Variants in LYPD6B observed in about 807,000 individuals in gnomAD.
LYPD6B encodes the protein ly6/PLAUR domain-containing protein 6B.
Under a neutral mutation model 22.8 loss-of-function variants are expected in LYPD6B, and 17 were observed. The ratio of observed to expected loss-of-function variants is 0.75; its 90% CI spans 0.51 to 1.12. The LOEUF (loss-of-function observed/expected upper bound fraction) is 1.12, where lower values mean the gene tolerates loss of function less well. Ranked by LOEUF, LYPD6B falls within the 50% of genes most tolerant of loss-of-function variation. The pLI is 0.00. For missense variants in LYPD6B, 221 were observed against 258.3 expected (o/e 0.86, Z 0.99); for synonymous variants, 106 against 91.6 (o/e 1.16, Z -0.90).
At chr2:149,127,914 C>T (rs1412034683) in intron 1 of LYPD6B, among the ~76,000 whole-genome samples, 1 of 151,982 alleles carries the variant, frequency 6.6e-6, no homozygotes, top group Non-Finnish European at 1.5e-5. Flanking sequence ...ACCTATTAAT[C>T]TTTTTTGTTG....
At chr2:149,100,550 G>T (rs1190929687) in intron 1 of LYPD6B, among the ~76,000 whole-genome samples, 1 of 151,460 alleles carries the variant, frequency 6.6e-6, no homozygotes, top group Non-Finnish European at 1.5e-5. Context: ...CCCTTGCCCT[G>T]TCACCAATGG....
chr2:149,103,243 G>A (rs1686298608), intron 1 of LYPD6B, among the ~76,000 whole-genome samples: 1 of 152,140 alleles, frequency 6.6e-6, no homozygotes, highest in Admixed American at 6.5e-5. Context: ...GGTATCTAGT[G>A]GCAACGTTAA....
intron 1 of LYPD6B, among the ~76,000 whole-genome samples, chr2:149,115,031 C>T (rs1345655065): frequency 6.6e-6 from 1 of 152,164 alleles, no homozygotes; most frequent in Non-Finnish European, 1.5e-5. Flanking sequence ...CCTCTGCCTC[C>T]AGGTTCAATT....
chr2:149,046,664 T>C (rs537651532), intron 1 of LYPD6B, among the ~76,000 whole-genome samples: 27 of 152,246 alleles, frequency 1.8e-4, no homozygotes, highest in African/African-American at 6.5e-4. Flanking sequence ...TACCTATGCC[T>C]CTTTACATTT....
chr2:149,084,141 A>G (rs996309219), intron 1 of LYPD6B, among the ~76,000 whole-genome samples: 2 of 152,182 alleles, frequency 1.3e-5, no homozygotes, highest in Non-Finnish European at 2.9e-5. Context: ...AATTGCAGTT[A>G]GTAATAGTTT....
chr2:149,059,660 CTA>C (rs1462108575), intron 1 of LYPD6B, among the ~76,000 whole-genome samples: 4 of 152,178 alleles, frequency 2.6e-5, no homozygotes, highest in Non-Finnish European at 1.5e-5. Context: ...TGCATTCTCA[CTA>C]TGGGAGCAGG....
At chr2:149,186,531 G>A (rs991923090) in intron 3 of LYPD6B, among the ~76,000 whole-genome samples, 3 of 152,204 alleles carry the variant, frequency 2.0e-5, no homozygotes, top group Non-Finnish European at 2.9e-5. Flanking sequence ...TGATGAAGAA[G>A]CTGCAGCAAG....
Position 149,063,102 on chromosome 2 carries a change from A to G in LYPD6B, c.-67+24301A>G, listed in dbSNP as rs1028067341. The stretch of plus-strand genomic sequence containing the variant: ...TTAATGGGAATGGCAAGATGCAGAC[A>G]TTAGAAACCTAACAAGTGCAAATTT... On this transcript the variant is annotated intron_variant, in intron 1 of 6. Transcript: ENST00000409642. Among the ~76,000 whole-genome samples, 4 of 152,156 alleles carry G rather than the reference A, an allele frequency of 2.6e-5. No homozygotes were observed. In the East Asian group the frequency reaches 7.7e-4, roughly 29 times the overall value.
chr2:149,192,382 G>C lies in LYPD6B; in HGVS notation c.78-12871G>C, dbSNP rs138129855. Among the ~76,000 whole-genome samples, 232 of 149,560 alleles carry C rather than the reference G, an allele frequency of 1.6e-3. 2 individuals carry two copies. The highest frequency in any genetic ancestry group is 5.5e-3 in the African/African-American group (223 of 40,678). ...AAGCGGCTTCTAATACCAACTTATT[G>C]TAGGAAAGACATCTCAAGTGTTTGG... On this transcript the variant is annotated intron_variant, in intron 3 of 6. Coordinates refer to ENST00000409642, the MANE Select transcript of LYPD6B (RefSeq NM_177964.5).
At chr2:149,105,690 T>C (rs1159525573) in intron 1 of LYPD6B, among the ~76,000 whole-genome samples, 1 of 152,180 alleles carries the variant, frequency 6.6e-6, no homozygotes, top group African/African-American at 2.4e-5. Context: ...TTAGTAGTAC[T>C]AGTAGCTTTT....
intron 1 of LYPD6B, among the ~76,000 whole-genome samples, chr2:149,115,769 T>C (rs2105560523): frequency 6.6e-6 from 1 of 152,342 alleles, no homozygotes. Context: ...TCTCCTCTTA[T>C]CCATGGTTTC....
intron 1 of LYPD6B, chr2:149,101,713 A>G (rs1025231143): frequency 6.6e-6 from 1 of 152,274 alleles, no homozygotes; most frequent in African/African-American, 2.4e-5. Context: ...CAAAGGTGCC[A>G]TATGGGCTAG....
rs542825999 is a variant in LYPD6B, at chr2:149,054,426, C to A, written c.-67+15625C>A. 2.6e-5 allele frequency among the ~76,000 whole-genome samples: 4 copies of A among 152,194 alleles called. No homozygotes were observed. The South Asian group carries it at 8.3e-4, about 32-fold the overall frequency. ...AGAAATATCTGTTTAAATACTTTGCCATTTTAAGATTTTTTTGTCTTTTTA... is the reference window on the plus strand; with the variant it reads ...AGAAATATCTGTTTAAATACTTTGCAATTTTAAGATTTTTTTGTCTTTTTA... On this transcript the variant is annotated intron_variant, in intron 1 of 6. Transcript: ENST00000409642.
At chr2:149,044,725 G>A (rs1683233962) in intron 1 of LYPD6B, among the ~76,000 whole-genome samples, 1 of 152,038 alleles carries the variant, frequency 6.6e-6, no homozygotes, top group Non-Finnish European at 1.5e-5. Flanking sequence ...TGTTAAGTAT[G>A]ATGTTAGTTG....
chr2:149,177,068 A>G (rs1188378786), intron 3 of LYPD6B, among the ~76,000 whole-genome samples: 1 of 152,200 alleles, frequency 6.6e-6, no homozygotes, highest in Admixed American at 6.5e-5. Context: ...AGGGCATGAA[A>G]AATGGTGTTT....
At chr2:149,080,851 A>C (rs1685093233) in intron 1 of LYPD6B, among the ~76,000 whole-genome samples, 1 of 132,092 alleles carries the variant, frequency 7.6e-6, no homozygotes, top group Non-Finnish European at 1.7e-5. Flanking sequence ...CAAAAAAAAA[A>C]AAAAAAAAAA....
chr2:149,189,842 A>T (rs1165206014), intron 3 of LYPD6B, among the ~76,000 whole-genome samples: 1 of 152,194 alleles, frequency 6.6e-6, no homozygotes, highest in African/African-American at 2.4e-5. Context: ...CCCACCTCCA[A>T]ATGATGCATT....
At chr2:149,045,749 A>G (rs1045658422) in intron 1 of LYPD6B, among the ~76,000 whole-genome samples, 3 of 152,144 alleles carry the variant, frequency 2.0e-5, no homozygotes, top group Admixed American at 6.5e-5. Flanking sequence ...TTATTATCCT[A>G]GAATATGACT....
chr2:149,115,084 G>A (rs568047700), intron 1 of LYPD6B, among the ~76,000 whole-genome samples: 4 of 152,114 alleles, frequency 2.6e-5, no homozygotes, highest in South Asian at 2.1e-4. Flanking sequence ...GATTACAGGC[G>A]CTCGCCACTA....
Sources: allele counts gnomAD v4.1 joint callset (sites outside exome capture counted in the v4.1 genomes callset), GRCh38; gene constraint gnomAD v4.1.1; transcripts MANE v1.5; gene names NCBI Gene and HGNC (gene_info 2026-07-23, HGNC 2026-07-21).